BMERB1: variants seen among roughly 807,000 people sequenced by gnomAD.
BMERB1 encodes bMERB domain-containing protein 1.
BMERB1 carries 12 observed loss-of-function variants against 23.6 expected under a neutral mutation model. The ratio of observed to expected loss-of-function variants is 0.51; its 90% CI spans 0.33 to 0.82. The LOEUF (loss-of-function observed/expected upper bound fraction) is 0.82, where lower values mean the gene tolerates loss of function less well. BMERB1 is among the 40% of genes least tolerant of loss of function. The pLI is 0.03. For synonymous variants in BMERB1, 122 were observed against 96.6 expected, an observed-to-expected ratio of 1.26 and a Z score of -1.54; for missense variants, 247 against 255.4, an observed-to-expected ratio of 0.97 and a Z score of 0.22.
At chr16:15,542,374 CCT>C (rs927224189) in intron 2 of BMERB1, among the ~76,000 whole-genome samples, 1 of 152,100 alleles carries the variant, frequency 6.6e-6, no homozygotes, top group Non-Finnish European at 1.5e-5. Flanking sequence ...ACCCCTCTCC[CCT>C]GTCTTTATCA....
chr16:15,473,963 C>T (rs2051253620), intron 1 of BMERB1, among the ~76,000 whole-genome samples: 1 of 151,560 alleles, frequency 6.6e-6, no homozygotes, highest in Non-Finnish European at 1.5e-5. Flanking sequence ...ACTGAAAATA[C>T]AAAAAAATTA....
At chr16:15,471,004 T>G (rs913472244) in intron 1 of BMERB1, among the ~76,000 whole-genome samples, 1 of 150,902 alleles carries the variant, frequency 6.6e-6, no homozygotes, top group African/African-American at 2.4e-5. Flanking sequence ...GCCCAGCTAA[T>G]TTTTTGTATT....
At chr16:15,513,816 C>T (rs2051707703) in intron 1 of BMERB1, among the ~76,000 whole-genome samples, 1 of 152,142 alleles carries the variant, frequency 6.6e-6, no homozygotes, top group South Asian at 2.1e-4. Flanking sequence ...ATCACTCGAA[C>T]CCGGGAGGTG....
At chr16:15,444,652 G>T (rs1232504056) in intron 1 of BMERB1, among the ~76,000 whole-genome samples, 1 of 152,208 alleles carries the variant, frequency 6.6e-6, no homozygotes, top group Non-Finnish European at 1.5e-5. Context: ...GCCAGGCTGG[G>T]TGGGAGGAGC....
At chr16:15,520,812 A>G (rs2051843962) in intron 2 of BMERB1, among the ~76,000 whole-genome samples, 1 of 152,184 alleles carries the variant, frequency 6.6e-6, no homozygotes, top group Non-Finnish European at 1.5e-5. Flanking sequence ...GGATAAATAC[A>G]GAAGTTGACC....
intron 2 of BMERB1, among the ~76,000 whole-genome samples, chr16:15,529,561 C>A (rs1326392226): frequency 6.6e-6 from 1 of 152,152 alleles, no homozygotes; most frequent in Non-Finnish European, 1.5e-5. Context: ...ATCTGACTCT[C>A]CTCCTAGATG....
At chr16:15,554,684 T>G (rs1459403486) in intron 2 of BMERB1, among the ~76,000 whole-genome samples, 3 of 151,732 alleles carry the variant, frequency 2.0e-5, no homozygotes, top group African/African-American at 7.3e-5. Flanking sequence ...CTTTTTTTTT[T>G]TAGATGGTGT....
intron 1 of BMERB1, among the ~76,000 whole-genome samples, chr16:15,491,173 C>G (rs866899571): frequency 1.3e-5 from 2 of 152,106 alleles, no homozygotes; most frequent in South Asian, 2.1e-4. Context: ...ACTGATAGCA[C>G]TTACTGCAGC....
chr16:15,519,059 C>T (rs975183629), intron 2 of BMERB1, among the ~76,000 whole-genome samples: 2 of 132,026 alleles, frequency 1.5e-5, no homozygotes, highest in African/African-American at 5.8e-5. Context: ...TCCATCCTTA[C>T]CCCAACAATC....
intron 1 of BMERB1, among the ~76,000 whole-genome samples, chr16:15,469,942 ATTTC>A (rs2150931212): frequency 6.6e-6 from 1 of 152,170 alleles, no homozygotes; most frequent in East Asian, 1.9e-4. Flanking sequence ...GGACAGTTTT[ATTTC>A]TTCCTTCCTA....
At chr16:15,444,353 A>T (rs1441721584) in intron 1 of BMERB1, among the ~76,000 whole-genome samples, 1 of 151,504 alleles carries the variant, frequency 6.6e-6, no homozygotes, top group African/African-American at 2.4e-5. Flanking sequence ...GTTTTAGAGG[A>T]ACAGAGCTAG....
In BMERB1 at chr16:15,474,216, T is replaced by C. The variant is rs995474347; in HGVS notation, c.106+39457T>C. On this transcript the variant is annotated intron_variant, in intron 1 of 5. Transcript: ENST00000300006. Reference sequence around the variant, plus strand: ...TTAAGGACATGTCTTGGTATGGATTTCTTTAGTTTTATCTTATTTGGGATT... The same window carrying C: ...TTAAGGACATGTCTTGGTATGGATTCCTTTAGTTTTATCTTATTTGGGATT... Among the ~76,000 whole-genome samples the C allele has an allele frequency of 2.0e-5, 3 of 152,034 alleles. 1 individual carries two copies. Among genetic ancestry groups the C allele is most frequent in the Admixed American group, 2.0e-4 (3 of 15,236 alleles).
intron 2 of BMERB1, among the ~76,000 whole-genome samples, chr16:15,554,175 A>C (rs1232030993): frequency 6.6e-6 from 1 of 152,026 alleles, no homozygotes; most frequent in Admixed American, 6.6e-5. Flanking sequence ...GACTATCCTG[A>C]TCTCTGTCTT....
At chr16:15,560,195 CGCTT>C (rs1416664151) in intron 2 of BMERB1, among the ~76,000 whole-genome samples, 5 of 152,192 alleles carry the variant, frequency 3.3e-5, no homozygotes, top group African/African-American at 1.2e-4. Flanking sequence ...AGCTCCACCT[CGCTT>C]GTCAATGGGT....
intron 1 of BMERB1, among the ~76,000 whole-genome samples, chr16:15,512,683 A>G (rs1344336196): frequency 6.6e-6 from 1 of 152,174 alleles, no homozygotes; most frequent in Non-Finnish European, 1.5e-5. Flanking sequence ...GTTCAAGACC[A>G]GCCTGGCCAA....
At chr16:15,533,076 G>A (rs959263224) in intron 2 of BMERB1, 5 of 452,460 alleles carry the variant, frequency 1.1e-5, no homozygotes, top group Non-Finnish European at 2.2e-5. Context: ...CTCGCAGGGT[G>A]GTCATGAGGA....
At chr16:15,462,141 T>C (rs1385919469) in intron 1 of BMERB1, among the ~76,000 whole-genome samples, 6 of 94,130 alleles carry the variant, frequency 6.4e-5, no homozygotes, top group Non-Finnish European at 9.0e-5. Flanking sequence ...TCCTGCCTTT[T>C]TTTTTTTTTT....
intron 1 of BMERB1, among the ~76,000 whole-genome samples, chr16:15,443,227 G>A (rs926416090): frequency 2.0e-5 from 3 of 149,760 alleles, no homozygotes; most frequent in African/African-American, 7.4e-5. Context: ...CAGCCTGAGC[G>A]ACAGAGCAAG....
At chr16:15,530,310 G>A (rs1482723888) in intron 2 of BMERB1, among the ~76,000 whole-genome samples, 1 of 152,150 alleles carries the variant, frequency 6.6e-6, no homozygotes, top group African/African-American at 2.4e-5. Context: ...AAATGGGTAG[G>A]GGCACTTGTG....
Sources: gnomAD v4.1 joint callset for allele counts (sites outside exome capture counted in the v4.1 genomes callset) on GRCh38, gnomAD v4.1.1 for gene constraint, MANE v1.5 for transcripts, NCBI Gene and HGNC (gene_info 2026-07-23, HGNC 2026-07-21) for gene names.